Variants in CCSER2 observed in about 807,000 individuals in gnomAD.
CCSER2 encodes coiled-coil serine rich protein 2.
CCSER2 carries 46 observed loss-of-function variants against 92.3 expected under a neutral mutation model. That is an observed-to-expected ratio of 0.50 (90% CI 0.39 to 0.64). The LOEUF is 0.64. CCSER2 is among the 30% of genes least tolerant of loss of function. The pLI, the probability that CCSER2 is intolerant of heterozygous loss-of-function variation, is 0.00. For missense variants in CCSER2, 1,244 were observed against 1,238.9 expected, an observed-to-expected ratio of 1.00 and a Z score of -0.06; for synonymous variants, 433 against 431.4, an observed-to-expected ratio of 1.00 and a Z score of -0.04.
At chr10:84,453,882 G>A (rs1019532569) in intron 6 of CCSER2, among the ~76,000 whole-genome samples, 8 of 151,930 alleles carry the variant, frequency 5.3e-5, no homozygotes, top group Non-Finnish European at 7.4e-5. Context: ...CCTGCTTCTC[G>A]TGTTACAATA....
chr10:84,343,436 T>C (rs1446317461), intron 1 of CCSER2, among the ~76,000 whole-genome samples: 1 of 152,188 alleles, frequency 6.6e-6, no homozygotes, highest in Non-Finnish European at 1.5e-5. Context: ...GCCCCGTCAG[T>C]GTAAGTACTC....
chr10:84,359,654 A>G (rs1319851075), intron 1 of CCSER2, among the ~76,000 whole-genome samples: 1 of 152,164 alleles, frequency 6.6e-6, no homozygotes, highest in East Asian at 1.9e-4. Flanking sequence ...GTAGAGATCC[A>G]GGGTTTGGGA....
chr10:84,415,601 AC>A lies in CCSER2; in HGVS notation c.1615-2167del, dbSNP rs1472680651. Among the ~76,000 whole-genome samples, 6 of 152,156 alleles carry A rather than the reference AC, an allele frequency of 3.9e-5. No individual in the cohort carries two copies. In the East Asian group the frequency reaches 1.2e-3, roughly 29 times the overall value. Reference sequence around the variant, plus strand: ...AGGCACCTGTGGGAAGTGGCTGGAGACCCTGTTGGGTGATCTCATCCATTTA... The same window carrying A: ...AGGCACCTGTGGGAAGTGGCTGGAGACCTGTTGGGTGATCTCATCCATTTA... On this transcript the variant is annotated intron_variant, in intron 3 of 9. Transcript: ENST00000372088.
chr10:84,415,984 C>T (rs1320322276), intron 3 of CCSER2, among the ~76,000 whole-genome samples: 1 of 152,080 alleles, frequency 6.6e-6, no homozygotes, highest in East Asian at 1.9e-4. Flanking sequence ...CTGGTAATCC[C>T]GGGGGTGGAA....
At chr10:84,410,001 T>C (rs1842570193) in intron 3 of CCSER2, among the ~76,000 whole-genome samples, 1 of 152,130 alleles carries the variant, frequency 6.6e-6, no homozygotes. Flanking sequence ...CACATGTAAG[T>C]GAGAACGTGC....
intron 3 of CCSER2, among the ~76,000 whole-genome samples, chr10:84,396,897 T>G (rs1313980637): frequency 6.6e-6 from 1 of 152,226 alleles, no homozygotes; most frequent in East Asian, 1.9e-4. Flanking sequence ...TTGTGCATTG[T>G]TTATTCAATT....
chr10:84,371,622 G>A lies in CCSER2; in HGVS notation c.570G>A (p.Ala190=), dbSNP rs61745697. The part of the protein sequence containing the change: ...RSAGSMQRPR[A]NSCATRSSSG... The stretch of plus-strand genomic sequence containing the variant: ...CTGGTAGCATGCAAAGGCCTAGAGC[G>A]AACTCCTGTGCCACCAGAAGCAGTT... The change falls in exon 2 of 10, where the codon GCG becomes GCA. Residue 190 remains alanine (A), a synonymous_variant. Transcript: ENST00000372088. 2,058 of 1,613,532 alleles carry A rather than the reference G, an allele frequency of 1.3e-3. 20 individuals are homozygous for A. The African/African-American group carries it at 0.02, about 16-fold the overall frequency.
At chr10:84,477,552 A>C in intron 8 of CCSER2, 23 bp from the exon 9 acceptor site, 1 of 1,411,584 alleles carries the variant, frequency 7.1e-7, no homozygotes, top group Non-Finnish European at 1.0e-6. Context: ...AAACCAATGT[A>C]AAAATTTTGT....
chr10:84,332,579 C>T (rs1290901330), intron 1 of CCSER2, among the ~76,000 whole-genome samples: 1 of 150,634 alleles, frequency 6.6e-6, no homozygotes, highest in African/African-American at 2.4e-5. Flanking sequence ...GCTGGGACTA[C>T]AGGCACGCGC....
intron 5 of CCSER2, among the ~76,000 whole-genome samples, chr10:84,436,664 G>A (rs1009980778): frequency 2.0e-5 from 3 of 150,328 alleles, no homozygotes; most frequent in African/African-American, 7.3e-5. Context: ...GAAGTCACTA[G>A]TCACTGCGGG....
In CCSER2 at chr10:84,336,957, A is replaced by AACTGG. The variant is rs571047348; in HGVS notation, c.-40+8152_-40+8156dup. Reference sequence around the variant, plus strand: ...AATGTGGGCTGAGTTTGGCCTGAAAAACTGGACAAATGGAGTTAACATTTC... The same window carrying AACTGG: ...AATGTGGGCTGAGTTTGGCCTGAAAAACTGGACTGGACAAATGGAGTTAACATTTC... On this transcript the variant is annotated intron_variant, in intron 1 of 9. Transcript: ENST00000372088. Among the ~76,000 whole-genome samples, 35 of 152,296 alleles carry AACTGG rather than the reference A, an allele frequency of 2.3e-4. No individual in the cohort carries two copies. In the East Asian group the frequency reaches 6.4e-3, roughly 28 times the overall value.
At chr10:84,450,259 C>T (rs534886317) in intron 6 of CCSER2, among the ~76,000 whole-genome samples, 2 of 152,232 alleles carry the variant, frequency 1.3e-5, no homozygotes, top group South Asian at 4.1e-4. Context: ...GTTAGTGGGT[C>T]TTAAAATGAA....
intron 1 of CCSER2, among the ~76,000 whole-genome samples, chr10:84,355,406 G>C (rs1458460443): frequency 6.6e-6 from 1 of 152,090 alleles, no homozygotes; most frequent in South Asian, 2.1e-4. Flanking sequence ...CACATTCAGT[G>C]TCTTTATTTC....
intron 5 of CCSER2, 143 bp downstream of exon 5, chr10:84,426,036 A>T: frequency 2.2e-6 from 1 of 460,084 alleles, no homozygotes; most frequent in Non-Finnish European, 3.8e-6. Context: ...TTTATGTGGT[A>T]CTAATTGGAA....
intron 5 of CCSER2, among the ~76,000 whole-genome samples, chr10:84,429,810 C>T (rs934635595): frequency 2.0e-5 from 3 of 151,574 alleles, no homozygotes; most frequent in Non-Finnish European, 4.4e-5. Context: ...CTCCCCACTT[C>T]GCTCTGGCCA....
chr10:84,501,131 G>A (rs1458199893), intron 9 of CCSER2, among the ~76,000 whole-genome samples: 1 of 151,892 alleles, frequency 6.6e-6, no homozygotes, highest in Admixed American at 6.6e-5. Context: ...CCACCACCTT[G>A]GTAACTCCTC....
intron 1 of CCSER2, among the ~76,000 whole-genome samples, chr10:84,348,780 C>G (rs1844696350): frequency 6.6e-6 from 1 of 152,008 alleles, no homozygotes; most frequent in African/African-American, 2.4e-5. Context: ...AGAAATGTTG[C>G]AAGACCAAGA....
chr10:84,440,766 A>G (rs544250299), intron 6 of CCSER2, among the ~76,000 whole-genome samples: 5 of 152,334 alleles, frequency 3.3e-5, no homozygotes, highest in Non-Finnish European at 4.4e-5. Flanking sequence ...AAATCTCTTT[A>G]TCCTGGTCTC....
chr10:84,476,791 G>A (rs529235202), intron 8 of CCSER2, among the ~76,000 whole-genome samples: 1 of 152,234 alleles, frequency 6.6e-6, no homozygotes, highest in African/African-American at 2.4e-5. Flanking sequence ...TGAAAGTGAT[G>A]ATTATTTGGG....
Sources: allele counts gnomAD v4.1 joint callset (sites outside exome capture counted in the v4.1 genomes callset), GRCh38; gene constraint gnomAD v4.1.1; transcripts MANE v1.5; gene names NCBI Gene and HGNC (gene_info 2026-07-23, HGNC 2026-07-21).